RBM44: variants seen among roughly 807,000 people sequenced by gnomAD.
RBM44 encodes the protein RNA binding motif protein 44.
A neutral mutation model predicts 105.1 loss-of-function variants in RBM44; 66 were observed. The observed-to-expected ratio is 0.63, with a 90% CI of 0.52 to 0.77. The LOEUF (loss-of-function observed/expected upper bound fraction) is 0.77. Among genes scored for constraint, RBM44 ranks in the 30% least tolerant of loss-of-function variants. The probability of loss-of-function intolerance (pLI) is 0.00; values close to 1 mark genes in which losing one functional copy is unlikely to be tolerated. For synonymous variants in RBM44, 365 were observed against 417.6 expected (o/e 0.87, Z 1.54); for missense variants, 1,122 against 1,207.8 (o/e 0.93, Z 1.05).
At chr2:237,840,109 G>T (rs2061997050) in intron 15 of RBM44, among the ~76,000 whole-genome samples, 1 of 149,208 alleles carries the variant, frequency 6.7e-6, no homozygotes. Context: ...GATCCCTTGA[G>T]CCTGGGAGGC....
At position 237,818,407 on chromosome 2, in the gene RBM44, C is replaced by T; in HGVS notation, c.1488C>T (p.Asn496=). ...ARPSVVSTSS[N]TEITMMNKKR... is the part of the protein sequence containing the mutation. ...CTTCTGTAGTATCTACATCAAGCAACACAGAGATAACAATGATGAATAAAA... is the reference window on the plus strand; with the variant it reads ...CTTCTGTAGTATCTACATCAAGCAATACAGAGATAACAATGATGAATAAAA... Residue 496 remains asparagine, a synonymous_variant, in exon 3 of 16, where the codon AAC becomes AAT. Transcript: ENST00000316997. This position sits in a 1 kb window ranked among gnomAD's most constrained non-coding sequence, Gnocchi z 4.6. 3 of 1,612,476 alleles carry T rather than the reference C, an allele frequency of 1.9e-6. No individual in the cohort carries two copies. Among genetic ancestry groups the T allele is most frequent in the South Asian group, 1.1e-5 (1 of 91,002 alleles).
chr2:237,819,670 T>C lies in RBM44; in HGVS notation c.1737-505T>C, dbSNP rs1291433588. 3.3e-5 allele frequency among the ~76,000 whole-genome samples: 5 copies of C among 152,182 alleles called. 1 individual carries two copies. In the South Asian group the frequency reaches 6.2e-4, roughly 19 times the overall value. ...CATAGTGATTTGGGGCTTTTTGATA[T>C]AATAGTACAGCAAAATATTTGCTTA... On this transcript the variant is annotated intron_variant, in intron 4 of 15. Transcript: ENST00000316997.
chr2:237,807,515 G>A (rs758128734), intron 1 of RBM44, among the ~76,000 whole-genome samples: 2 of 152,166 alleles, frequency 1.3e-5, no homozygotes, highest in Non-Finnish European at 2.9e-5. Context: ...AAGTTACCAG[G>A]TCACAACTTG....
Position 237,803,331 on chromosome 2 carries a change from T to TCA in RBM44, c.-19+4483_-19+4484dup, listed in dbSNP as rs368401530. Among the ~76,000 whole-genome samples the TCA allele has an allele frequency of 3.5e-4, 52 of 150,512 alleles. 2 individuals carry two copies. The South Asian group carries it at 7.0e-3, about 20-fold the overall frequency. ...CACACACACACACATACTCTCTCTC[T>TCA]CACACACACACACATACTTTCTCTC... On this transcript the variant is annotated intron_variant, in intron 1 of 15. Coordinates refer to ENST00000316997, the MANE Select transcript of RBM44 (RefSeq NM_001080504.3). The surrounding 1 kb of genome is among the most constrained non-coding windows in gnomAD (Gnocchi z 4.2).
At chr2:237,799,871 G>A (rs2061528068) in intron 1 of RBM44, among the ~76,000 whole-genome samples, 1 of 152,306 alleles carries the variant, frequency 6.6e-6, no homozygotes, top group South Asian at 2.1e-4. Context: ...CAAGACCTCA[G>A]GGATAAGGGA....
At chr2:237,839,687 A>G (rs1210523876) in intron 15 of RBM44, among the ~76,000 whole-genome samples, 1 of 152,092 alleles carries the variant, frequency 6.6e-6, no homozygotes, top group Non-Finnish European at 1.5e-5. Flanking sequence ...AAATTATAAA[A>G]CTCTTAGAAG....
intron 2 of RBM44, 121 bp from the exon 3 acceptor site, chr2:237,816,872 A>T (rs2061723454): frequency 1.6e-6 from 1 of 619,580 alleles, no homozygotes; most frequent in Non-Finnish European, 2.6e-6. Flanking sequence ...GATATTTTTC[A>T]TGGATGATGT....
At position 237,818,042 on chromosome 2, in the gene RBM44, A is replaced by G. The variant is rs1259524704; in HGVS notation, c.1123A>G (p.Lys375Glu). Residue 375 changes from lysine to glutamate, a missense_variant, in exon 3 of 16, where the codon AAA (lysine) becomes GAA (glutamate). Transcript: ENST00000316997. The surrounding 1 kb of genome is among the most constrained non-coding windows in gnomAD (Gnocchi z 4.6). Reference protein sequence around the residue: ...KALETLLQPCKDCQTSWTSVF... With the variant: ...KALETLLQPCEDCQTSWTSVF... Reference sequence around the variant, plus strand: ...TTTAGAGACATTACTCCAACCCTGTAAAGATTGTCAAACTTCCTGGACCTC... The same window carrying G: ...TTTAGAGACATTACTCCAACCCTGTGAAGATTGTCAAACTTCCTGGACCTC... The G allele has an allele frequency of 1.2e-6, 2 of 1,612,870 alleles. No homozygotes were observed. The highest frequency in any genetic ancestry group is 2.2e-5 in the East Asian group (1 of 44,862).
intron 10 of RBM44, among the ~76,000 whole-genome samples, chr2:237,825,137 A>G (rs944256599): frequency 3.3e-5 from 5 of 152,084 alleles, no homozygotes; most frequent in South Asian, 2.1e-4. Flanking sequence ...GACCATTTTT[A>G]TGCATTTTCT....
At chr2:237,799,475 T>A (rs545727612) in intron 1 of RBM44, 1 of 152,392 alleles carries the variant, frequency 6.6e-6, no homozygotes, top group East Asian at 1.9e-4. Flanking sequence ...TGCATTTTTT[T>A]AGTAGAGACG....
intron 8 of RBM44, among the ~76,000 whole-genome samples, chr2:237,822,712 G>T (rs191754518): frequency 6.6e-6 from 1 of 151,922 alleles, no homozygotes; most frequent in Non-Finnish European, 1.5e-5. Context: ...TATTTAGGGA[G>T]AACAATAAAT....
At chr2:237,821,454 T>C in intron 7 of RBM44, 86 bp downstream of exon 7, 1 of 980,532 alleles carries the variant, frequency 1.0e-6, no homozygotes, top group Non-Finnish European at 1.5e-6. Flanking sequence ...TTTTGTTCCC[T>C]ATTTAGAACA....
At chr2:237,820,983 C>T in intron 5 of RBM44, 88 bp from the exon 6 acceptor site, 1 of 982,660 alleles carries the variant, frequency 1.0e-6, no homozygotes, top group South Asian at 1.9e-5. Context: ...CCCAGGAGTT[C>T]AAGAACCAAG....
At chr2:237,811,136 A>G (rs186415787) in intron 1 of RBM44, among the ~76,000 whole-genome samples, 4 of 152,102 alleles carry the variant, frequency 2.6e-5, no homozygotes, top group African/African-American at 4.8e-5. Context: ...GATCAAATTA[A>G]CCCTCAGTTT....
chr2:237,818,605 AAT>A lies in RBM44; in HGVS notation c.1677+12_1677+13del. The A allele has an allele frequency of 6.8e-7, 1 of 1,460,020 alleles. No individual in the cohort carries two copies. Among genetic ancestry groups the A allele is most frequent in the Non-Finnish European group, 9.1e-7 (1 of 1,096,762 alleles). The allele number at this position is 1,460,020 out of a possible 1,614,324, so 90.4% of individuals were successfully genotyped here. On this transcript the variant is annotated intron_variant, in intron 3 of 15. Transcript: ENST00000316997. This position sits in a 1 kb window ranked among gnomAD's most constrained non-coding sequence, Gnocchi z 4.6. ...GAAATTTTCTAAATAAGGTAAAATC[AAT>A]ATGAGTAATAATAAAATTTGGACTT...
At chr2:237,801,129 G>A (rs746658162) in intron 1 of RBM44, among the ~76,000 whole-genome samples, 3 of 152,110 alleles carry the variant, frequency 2.0e-5, no homozygotes, top group Non-Finnish European at 2.9e-5. Context: ...TGGGCTAGGG[G>A]ACCATCCTGG....
rs1248155730 is a variant in RBM44 at position 237,829,235 on chromosome 2, T to C, written c.2619T>C (p.Phe873=). Residue 873 remains phenylalanine (F), a synonymous_variant, in exon 13 of 16, where the codon TTT becomes TTC. Transcript: ENST00000316997. ...GTTTTAGATATGCATCTCTTGCTTTTACAAAAAACAGCGATGCAAAGATAG... is the reference window on the plus strand; with the variant it reads ...GTTTTAGATATGCATCTCTTGCTTTCACAAAAAACAGCGATGCAAAGATAG... The part of the protein sequence containing the change: ...STNYRYASLA[F]TKNSDAKIAV... 1 of 1,609,978 alleles carries C rather than the reference T, an allele frequency of 6.2e-7. No individual in the cohort carries two copies. Among genetic ancestry groups the C allele is most frequent in the Non-Finnish European group, 8.5e-7 (1 of 1,178,098 alleles).
At chr2:237,811,992 C>G (rs1317776805) in intron 1 of RBM44, among the ~76,000 whole-genome samples, 1 of 152,072 alleles carries the variant, frequency 6.6e-6, no homozygotes, top group East Asian at 1.9e-4. Flanking sequence ...GTAGTTGGGA[C>G]TACAGGCACA....
intron 15 of RBM44, among the ~76,000 whole-genome samples, chr2:237,838,497 C>T (rs2061980625): frequency 8.4e-6 from 1 of 119,282 alleles, no homozygotes; most frequent in Non-Finnish European, 1.9e-5. Flanking sequence ...TCAATATTGA[C>T]TGTAGAAACA....
Sources: allele counts gnomAD v4.1 joint callset (sites outside exome capture counted in the v4.1 genomes callset), GRCh38; gene constraint gnomAD v4.1.1; non-coding constraint Gnocchi (gnomAD v3.1); transcripts MANE v1.5; gene names NCBI Gene and HGNC (gene_info 2026-07-23, HGNC 2026-07-21).